The following SULF2 variants were observed in gnomAD, a reference collection of about 807,000 sequenced individuals.
The protein encoded by SULF2 is extracellular sulfatase Sulf-2.
Under a neutral mutation model 107.7 loss-of-function variants are expected in SULF2, and 52 were observed. That is an observed-to-expected ratio of 0.48 (90% CI 0.39 to 0.61). The LOEUF (loss-of-function observed/expected upper bound fraction) is 0.61, where lower values mean the gene tolerates loss of function less well. Among genes scored for constraint, SULF2 ranks in the 20% least tolerant of loss-of-function variants. The probability of loss-of-function intolerance (pLI) is 0.00; values close to 1 mark genes in which losing one functional copy is unlikely to be tolerated. For missense variants in SULF2, 993 were observed against 1,177.3 expected (o/e 0.84, Z 2.29); for synonymous variants, 460 against 464.3 (o/e 0.99, Z 0.12).
At chr20:47,781,772 G>A (rs1183544314) in intron 1 of SULF2, among the ~76,000 whole-genome samples, 7 of 152,124 alleles carry the variant, frequency 4.6e-5, no homozygotes. Flanking sequence ...GCACAGAAAG[G>A]TTAAGTAGCA....
At chr20:47,693,219 C>G (rs1000221430) in intron 4 of SULF2, among the ~76,000 whole-genome samples, 1 of 152,128 alleles carries the variant, frequency 6.6e-6, no homozygotes, top group African/African-American at 2.4e-5. Context: ...CTTAAAATGA[C>G]AAAGGTAATT....
intron 2 of SULF2, among the ~76,000 whole-genome samples, chr20:47,740,969 A>C (rs1394685424): frequency 6.6e-6 from 1 of 151,936 alleles, no homozygotes; most frequent in African/African-American, 2.4e-5. Flanking sequence ...CCCATCTTTC[A>C]GTTCCCACAT....
At chr20:47,676,036 A>G (rs193150086) in intron 10 of SULF2, among the ~76,000 whole-genome samples, 1 of 152,280 alleles carries the variant, frequency 6.6e-6, no homozygotes, top group East Asian at 1.9e-4. Context: ...GTTCCTGGCC[A>G]TAATTTCCTT....
chr20:47,683,936 G>A (rs2087911991), intron 6 of SULF2, among the ~76,000 whole-genome samples: 1 of 152,216 alleles, frequency 6.6e-6, no homozygotes, highest in Admixed American at 6.5e-5. Flanking sequence ...GAAGTGTGCA[G>A]AACACCAAAT....
At chr20:47,689,023 C>T (rs1299170044) in intron 5 of SULF2, among the ~76,000 whole-genome samples, 1 of 152,076 alleles carries the variant, frequency 6.6e-6, no homozygotes, top group Non-Finnish European at 1.5e-5. Flanking sequence ...CAGGAAGTTT[C>T]CCAGCCAGCT....
At chr20:47,731,345 A>G (rs1017028200) in intron 3 of SULF2, among the ~76,000 whole-genome samples, 1 of 151,210 alleles carries the variant, frequency 6.6e-6, no homozygotes, top group Non-Finnish European at 1.5e-5. Context: ...GGTGTACATC[A>G]CCATGCCTGG....
rs1360321479 is a variant in SULF2 at position 47,748,391 on chromosome 20, G to A, written c.175+8798C>T. ...CCCACTTCCCACTGCTAGGGGAGCT[G>A]CCCTCACTGGGACCCTTGCTCCTGA... On this transcript the variant is annotated intron_variant, in intron 2 of 20. Coordinates refer to ENST00000688720, the MANE Select transcript of SULF2 (RefSeq NM_001387048.1). 2.6e-5 allele frequency among the ~76,000 whole-genome samples: 4 copies of A among 152,350 alleles called. No homozygotes were observed. The East Asian group carries it at 7.7e-4, about 29-fold the overall frequency.
At chr20:47,765,417 T>C (rs1000431203) in intron 1 of SULF2, among the ~76,000 whole-genome samples, 1 of 141,826 alleles carries the variant, frequency 7.1e-6, no homozygotes, top group Non-Finnish European at 1.5e-5. Flanking sequence ...AATTAGGCAG[T>C]TGAGGTGGTG....
chr20:47,664,543 C>T (rs2087198298), intron 14 of SULF2, among the ~76,000 whole-genome samples: 1 of 152,190 alleles, frequency 6.6e-6, no homozygotes, highest in Non-Finnish European at 1.5e-5. Flanking sequence ...GTCAAAGCCT[C>T]AGCATCTTGA....
intron 2 of SULF2, among the ~76,000 whole-genome samples, chr20:47,745,090 T>C (rs1025072006): frequency 5.9e-5 from 9 of 152,040 alleles, no homozygotes; most frequent in African/African-American, 1.9e-4. Context: ...AATCACTGAC[T>C]TTGAGCTTCA....
At chr20:47,688,816 G>A (rs1264929941) in intron 5 of SULF2, among the ~76,000 whole-genome samples, 2 of 151,918 alleles carry the variant, frequency 1.3e-5, no homozygotes, top group Non-Finnish European at 2.9e-5. Flanking sequence ...GAGCTGCTTC[G>A]AGGTCTGTCA....
At chr20:47,715,528 G>A (rs1252307100) in intron 3 of SULF2, among the ~76,000 whole-genome samples, 5 of 151,748 alleles carry the variant, frequency 3.3e-5, no homozygotes, top group Non-Finnish European at 7.4e-5. Flanking sequence ...CTGAACCAAC[G>A]AACACCTCGT....
rs116420883 is a variant in SULF2, at chr20:47,664,158, G to A, written c.2029C>T (p.His677Tyr). ...AAAGGATGCAGACTGGAGCCTCTGT[G>A]CTTGAGGCGGCCTTTGTGCTGGGTG... Reference protein sequence around the residue: ...YHTQHKGRLKHRGSSLHPFRK... With the variant: ...YHTQHKGRLKYRGSSLHPFRK... Residue 677 changes from histidine (H) to tyrosine (Y), a missense_variant, in exon 15 of 21, where the codon CAC becomes TAC. Physicochemically the swap from His to Tyr is moderately conservative, Grantham distance 83. Coordinates refer to ENST00000688720, the MANE Select transcript of SULF2 (RefSeq NM_001387048.1). 3.8e-5 allele frequency: 61 copies of A among 1,613,372 alleles called. No individual in the cohort carries two copies. The East Asian group carries it at 8.5e-4, about 22-fold the overall frequency.
rs971829909 is a variant in SULF2, at chr20:47,671,725, C to CT, written c.1576+472dup. Among the ~76,000 whole-genome samples the CT allele has an allele frequency of 1.2e-3, 182 of 151,542 alleles. 2 individuals carry two copies. Among genetic ancestry groups the CT allele is most frequent in the Non-Finnish European group, 1.0e-4 (7 of 67,810 alleles). ...CAGAACCTTGTATGTGTGTTTCTTCCTTTTTTTTGAGATGGATCTCGCTCT... is the reference window on the plus strand; with the variant it reads ...CAGAACCTTGTATGTGTGTTTCTTCCTTTTTTTTTGAGATGGATCTCGCTCT... On this transcript the variant is annotated intron_variant, in intron 11 of 20. Transcript: ENST00000688720.
At chr20:47,693,339 T>C (rs912456740) in intron 4 of SULF2, among the ~76,000 whole-genome samples, 2 of 152,120 alleles carry the variant, frequency 1.3e-5, no homozygotes, top group African/African-American at 4.8e-5. Context: ...CCGCCAGTGG[T>C]GGACACTTGC....
intron 4 of SULF2, among the ~76,000 whole-genome samples, chr20:47,695,983 T>C (rs2088363588): frequency 6.6e-6 from 1 of 152,220 alleles, no homozygotes; most frequent in African/African-American, 2.4e-5. Context: ...CTTCTTTTGA[T>C]TGTTTCTTCA....
At chr20:47,739,466 G>A (rs769624428) in intron 2 of SULF2, among the ~76,000 whole-genome samples, 21 of 152,038 alleles carry the variant, frequency 1.4e-4, no homozygotes, top group Non-Finnish European at 2.5e-4. Context: ...TGCCTCAGCC[G>A]TACCCCCAGC....
At chr20:47,697,785 C>A (rs1880768479) in intron 4 of SULF2, among the ~76,000 whole-genome samples, 1 of 152,312 alleles carries the variant, frequency 6.6e-6, no homozygotes, top group Middle Eastern at 3.4e-3. Context: ...CCATGCTTAG[C>A]CCCAAAAGAA....
intron 16 of SULF2, 49 bp downstream of exon 16, chr20:47,663,404 T>C (rs1210541478): frequency 6.2e-7 from 1 of 1,600,648 alleles, no homozygotes; most frequent in Non-Finnish European, 8.5e-7. Context: ...GAGAAGTTTC[T>C]TGAACCCCTG....
Sources: allele counts gnomAD v4.1 joint callset (sites outside exome capture counted in the v4.1 genomes callset), GRCh38; gene constraint gnomAD v4.1.1; transcripts MANE v1.5; gene names NCBI Gene and HGNC (gene_info 2026-07-23, HGNC 2026-07-21).